Variants in BRINP3 observed in about 807,000 individuals in gnomAD.
BRINP3 encodes BMP/retinoic acid-inducible neural-specific protein 3.
In BRINP3, 19 loss-of-function variants were observed where a neutral mutation model predicts 71.0. The observed-to-expected ratio is 0.27, with a 90% CI of 0.19 to 0.39. BRINP3 has a LOEUF of 0.39. Ranked by LOEUF, BRINP3 falls within the 10% of genes least tolerant of loss-of-function variation. The probability of loss-of-function intolerance (pLI) is 1.00; values close to 1 mark genes in which losing one functional copy is unlikely to be tolerated. For missense variants in BRINP3, 959 were observed against 940.8 expected (o/e 1.02, Z -0.25); for synonymous variants, 380 against 337.7 (o/e 1.13, Z -1.37).
intron 2 of BRINP3, among the ~76,000 whole-genome samples, chr1:190,403,644 T>A (rs982918550): frequency 3.3e-5 from 5 of 152,194 alleles, no homozygotes; most frequent in African/African-American, 1.2e-4. Context: ...CATCAGTGTA[T>A]TAGAATGTGA....
At chr1:190,390,643 G>T (rs1414150564) in intron 2 of BRINP3, among the ~76,000 whole-genome samples, 5 of 151,704 alleles carry the variant, frequency 3.3e-5, no homozygotes, top group Non-Finnish European at 7.4e-5. Flanking sequence ...AGGAGGAAGA[G>T]AAAAAGGGCT....
At chr1:190,313,402 C>G (rs1261315782) in intron 2 of BRINP3, among the ~76,000 whole-genome samples, 1 of 151,922 alleles carries the variant, frequency 6.6e-6, no homozygotes, top group Non-Finnish European at 1.5e-5. Flanking sequence ...GGTGGTGGGG[C>G]AGGCAGTATC....
At chr1:190,220,137 C>T (rs1174428299) in intron 6 of BRINP3, among the ~76,000 whole-genome samples, 1 of 151,982 alleles carries the variant, frequency 6.6e-6, no homozygotes, top group Non-Finnish European at 1.5e-5. Flanking sequence ...ATAAGACTAC[C>T]TCCAAGGCAT....
chr1:190,298,631 A>C (rs1022825734), intron 2 of BRINP3, among the ~76,000 whole-genome samples: 1 of 152,024 alleles, frequency 6.6e-6, no homozygotes, highest in Non-Finnish European at 1.5e-5. Context: ...AGTGTTTGGA[A>C]ATTTCCTTGT....
chr1:190,240,085 GAACT>G (rs1658913230), intron 4 of BRINP3, among the ~76,000 whole-genome samples: 1 of 151,010 alleles, frequency 6.6e-6, no homozygotes, highest in African/African-American at 2.4e-5. Context: ...AATAGACTAG[GAACT>G]AACTTGACTA....
At chr1:190,335,678 C>T (rs1008577040) in intron 2 of BRINP3, among the ~76,000 whole-genome samples, 2 of 151,640 alleles carry the variant, frequency 1.3e-5, no homozygotes, top group Admixed American at 6.6e-5. Context: ...TTTCAAAAAA[C>T]CTCAAGATAT....
chr1:190,321,028 T>A (rs1379687926), intron 2 of BRINP3, among the ~76,000 whole-genome samples: 1 of 152,094 alleles, frequency 6.6e-6, no homozygotes, highest in Non-Finnish European at 1.5e-5. Flanking sequence ...AATGGAGTTT[T>A]ATAATAAATA....
intron 7 of BRINP3, among the ~76,000 whole-genome samples, chr1:190,153,766 T>G (rs1656624344): frequency 6.6e-6 from 1 of 152,232 alleles, no homozygotes; most frequent in African/African-American, 2.4e-5. Flanking sequence ...GAGACTGAGG[T>G]TGGAGGATCC....
rs908928506 is a variant in BRINP3, at chr1:190,226,268, C to T, written c.775G>A (p.Ala259Thr). Residue 259 changes from alanine to threonine, a missense_variant, in exon 6 of 8, where the codon GCT (alanine) becomes ACT (threonine). Physicochemically the swap from Ala to Thr is moderately conservative, Grantham distance 58. Transcript: ENST00000367462. ...DYLQERFVQA[A>T]LSYIACNSEG... ...GAATTGCAAGCAATGTAGCTCAAAG[C>T]TGCTTGTACAAAACGTTCCTGAAGA... 1.9e-6 allele frequency: 3 copies of T among 1,611,126 alleles called. No homozygotes were observed. The highest frequency in any genetic ancestry group is 2.2e-5 in the East Asian group (1 of 44,676).
At chr1:190,382,763 A>C (rs1006060012) in intron 2 of BRINP3, among the ~76,000 whole-genome samples, 1 of 152,174 alleles carries the variant, frequency 6.6e-6, no homozygotes, top group Non-Finnish European at 1.5e-5. Context: ...GCAGCCACTG[A>C]ATTTGCCAAA....
intron 6 of BRINP3, among the ~76,000 whole-genome samples, chr1:190,199,681 C>T (rs1008078126): frequency 4.0e-5 from 6 of 150,444 alleles, no homozygotes; most frequent in Non-Finnish European, 7.4e-5. Flanking sequence ...AGAAAATTAG[C>T]CAAGATAGAA....
At chr1:190,123,082 T>C (rs1653812750) in intron 7 of BRINP3, among the ~76,000 whole-genome samples, 2 of 152,172 alleles carry the variant, frequency 1.3e-5, no homozygotes, top group Admixed American at 6.6e-5. Flanking sequence ...GAGAAGTCTC[T>C]GTAGCTGGTC....
At chr1:190,432,537 T>C (rs1332258846) in intron 2 of BRINP3, among the ~76,000 whole-genome samples, 2 of 152,184 alleles carry the variant, frequency 1.3e-5, no homozygotes, top group African/African-American at 4.8e-5. Context: ...ATGTGTGTTT[T>C]AGTGTCTATA....
intron 2 of BRINP3, among the ~76,000 whole-genome samples, chr1:190,354,059 C>A (rs12760928): frequency 6.6e-6 from 1 of 151,934 alleles, no homozygotes; most frequent in East Asian, 1.9e-4. Context: ...GCTTACTGAT[C>A]CAGTCTCATT....
intron 2 of BRINP3, among the ~76,000 whole-genome samples, chr1:190,388,872 T>C (rs1671073544): frequency 6.6e-6 from 1 of 151,804 alleles, no homozygotes; most frequent in South Asian, 2.1e-4. Flanking sequence ...CTTATGAAGA[T>C]GTAAATACAG....
chr1:190,160,955 G>A (rs1257631014), intron 6 of BRINP3, 65 bp from the exon 7 acceptor site: 21 of 1,130,200 alleles, frequency 1.9e-5, no homozygotes, highest in East Asian at 4.8e-5. Context: ...TCACAAACAC[G>A]TATGTCAATA....
At chr1:190,107,281 G>T (rs1006492670) in intron 7 of BRINP3, among the ~76,000 whole-genome samples, 3 of 151,676 alleles carry the variant, frequency 2.0e-5, no homozygotes, top group African/African-American at 4.8e-5. Flanking sequence ...TTTACATTCT[G>T]ACAACATCTA....
At position 190,419,176 on chromosome 1, in the gene BRINP3, A is replaced by C. The variant is rs140852701; in HGVS notation, c.236+35479T>G. On this transcript the variant is annotated intron_variant, in intron 2 of 7. Coordinates refer to ENST00000367462, the MANE Select transcript of BRINP3 (RefSeq NM_199051.3). ...TGATTGCATGCATTCTTTTCATATC[A>C]AAAGGGGAAATAAAAAATGAATGTT... is the stretch of plus-strand genomic sequence containing the variant. Among the ~76,000 whole-genome samples, 67 of 152,202 alleles carry C rather than the reference A, an allele frequency of 4.4e-4. 1 individual carries two copies. Among genetic ancestry groups the C allele is most frequent in the African/African-American group, 1.5e-3 (61 of 41,576 alleles).
intron 7 of BRINP3, among the ~76,000 whole-genome samples, chr1:190,116,770 A>G (rs1044285703): frequency 6.6e-6 from 1 of 152,058 alleles, no homozygotes; most frequent in African/African-American, 2.4e-5. Context: ...CCACAGAAGT[A>G]TTTAACTATT....
Sources: allele counts gnomAD v4.1 joint callset (sites outside exome capture counted in the v4.1 genomes callset), GRCh38; gene constraint gnomAD v4.1.1; transcripts MANE v1.5; gene names NCBI Gene and HGNC (gene_info 2026-07-23, HGNC 2026-07-21).